The following LMO1 variants were observed in gnomAD, a reference collection of about 807,000 sequenced individuals.
The protein encoded by LMO1 is rhombotin-1.
LMO1 carries 10 observed loss-of-function variants against 18.0 expected under a neutral mutation model. The observed-to-expected ratio is 0.55, with a 90% CI of 0.34 to 0.94. The LOEUF (loss-of-function observed/expected upper bound fraction) is 0.94. Ranked by LOEUF, LMO1 falls within the 40% of genes least tolerant of loss-of-function variation. The probability of loss-of-function intolerance (pLI) is 0.02; values close to 1 mark genes in which losing one functional copy is unlikely to be tolerated. For synonymous variants in LMO1, 77 were observed against 77.9 expected, an observed-to-expected ratio of 0.99 and a Z score of 0.06; for missense variants, 183 against 205.7, an observed-to-expected ratio of 0.89 and a Z score of 0.68.
At chr11:8,248,487 C>A (rs1330292130) in intron 1 of LMO1, among the ~76,000 whole-genome samples, 1 of 152,222 alleles carries the variant, frequency 6.6e-6, no homozygotes, top group Non-Finnish European at 1.5e-5. Flanking sequence ...ACAGACCTCT[C>A]CCCTGAGGGA....
At chr11:8,266,161 G>A (rs1847258719), upstream of LMO1, among the ~76,000 whole-genome samples, 2 of 152,188 alleles carry the variant, frequency 1.3e-5, no homozygotes, top group African/African-American at 2.4e-5. Context: ...GGCTCTTTCT[G>A]CACCCCCAGC....
chr11:8,244,734 G>A (rs1003369476), intron 1 of LMO1, among the ~76,000 whole-genome samples: 19 of 152,210 alleles, frequency 1.2e-4, no homozygotes, highest in Admixed American at 4.6e-4. Flanking sequence ...TAAGGGCTGG[G>A]GGCACCAGCA....
chr11:8,259,311 G>T (rs1245350522), intron 1 of LMO1, among the ~76,000 whole-genome samples: 1 of 152,112 alleles, frequency 6.6e-6, no homozygotes, highest in East Asian at 1.9e-4. Context: ...CCAAGGCTCG[G>T]GTGTGTGTGT....
At chr11:8,256,678 A>C (rs527570758) in intron 1 of LMO1, among the ~76,000 whole-genome samples, 9 of 133,542 alleles carry the variant, frequency 6.7e-5, no homozygotes, top group African/African-American at 2.0e-4. Flanking sequence ...GGTTTGGTGG[A>C]TGTGTCTCTG....
chr11:8,244,026 G>A (rs923390821), intron 1 of LMO1, among the ~76,000 whole-genome samples: 1 of 152,224 alleles, frequency 6.6e-6, no homozygotes, highest in South Asian at 2.1e-4. Context: ...CCCCTGGCTA[G>A]CTCCCAACTT....
chr11:8,230,694 T>C (rs1952643207), intron 1 of LMO1, among the ~76,000 whole-genome samples, 190 bp from the exon 2 acceptor site: 1 of 152,170 alleles, frequency 6.6e-6, no homozygotes, highest in Admixed American at 6.5e-5. Flanking sequence ...TTGGGCTACA[T>C]GGCACAGCCT....
rs749116896 is a variant in LMO1, at chr11:8,230,426, T to C, written c.104A>G (p.Tyr35Cys). 3.1e-6 allele frequency: 5 copies of C among 1,614,106 alleles called. No individual in the cohort carries two copies. In the South Asian group the frequency reaches 3.3e-5, roughly 11 times the overall value. The change falls in exon 2 of 4, where the codon TAT (tyrosine) becomes TGT (cysteine). Residue 35 changes from tyrosine (Y) to cysteine (C), a missense_variant. Tyr to Cys is a radical substitution (Grantham distance 194). Coordinates refer to ENST00000335790, the MANE Select transcript of LMO1 (RefSeq NM_002315.3). ...AGCNRKIKDR[Y>C]LLKALDKYWH... ...GTACTTGTCCAATGCCTTCAGCAGATAGCGGTCCTTGATCTTGCGGTTACA... is the reference window on the plus strand; with the variant it reads ...GTACTTGTCCAATGCCTTCAGCAGACAGCGGTCCTTGATCTTGCGGTTACA...
intron 1 of LMO1, among the ~76,000 whole-genome samples, chr11:8,238,954 C>T (rs982623505): frequency 3.3e-5 from 5 of 152,232 alleles, no homozygotes; most frequent in African/African-American, 1.2e-4. Flanking sequence ...ATTTACTCAG[C>T]AGTCACTGTG....
chr11:8,267,831 G>C (rs533120722), upstream of LMO1, among the ~76,000 whole-genome samples: 1 of 152,332 alleles, frequency 6.6e-6, no homozygotes, highest in East Asian at 1.9e-4. Context: ...TGCCAGGCTG[G>C]GTGAACTGAT....
At chr11:8,267,227 G>T (rs773243655), upstream of LMO1, among the ~76,000 whole-genome samples, 6 of 152,220 alleles carry the variant, frequency 3.9e-5, no homozygotes, top group South Asian at 2.1e-4. Flanking sequence ...AAGGTTTTGG[G>T]TGTGCACTGA....
chr11:8,254,052 CA>C (rs1847048927), intron 1 of LMO1, among the ~76,000 whole-genome samples: 1 of 151,958 alleles, frequency 6.6e-6, no homozygotes, highest in Non-Finnish European at 1.5e-5. Context: ...AAAATAAGAG[CA>C]AACCAATAAG....
chr11:8,264,072 C>T (rs1242929943), upstream of LMO1, among the ~76,000 whole-genome samples: 3 of 151,896 alleles, frequency 2.0e-5, no homozygotes, highest in East Asian at 5.8e-4. Flanking sequence ...GAGGACGCAT[C>T]CCATCTGTCA....
At chr11:8,254,070 A>G (rs566683845) in intron 1 of LMO1, among the ~76,000 whole-genome samples, 3 of 152,232 alleles carry the variant, frequency 2.0e-5, no homozygotes, top group Non-Finnish European at 4.4e-5. Flanking sequence ...TAAGCTCAGA[A>G]CATAGCGGCG....
intron 1 of LMO1, among the ~76,000 whole-genome samples, chr11:8,258,354 C>T (rs1197855328): frequency 6.6e-6 from 1 of 152,174 alleles, no homozygotes; most frequent in African/African-American, 2.4e-5. Context: ...TGCTCTAGAC[C>T]CCAACGTGGC....
intron 1 of LMO1, among the ~76,000 whole-genome samples, chr11:8,235,403 C>A (rs1011400574): frequency 6.6e-6 from 1 of 152,188 alleles, no homozygotes; most frequent in Non-Finnish European, 1.5e-5. Context: ...CTCTATACCC[C>A]CTAATACTTT....
rs138335439 is a variant in LMO1, at chr11:8,239,893, A to G, written c.26-9389T>C. ...ATGTTCAACCAGATGACAGTAAACCATGTTACCCCTTACTGAGTGCCTGCT... is the reference window on the plus strand; with the variant it reads ...ATGTTCAACCAGATGACAGTAAACCGTGTTACCCCTTACTGAGTGCCTGCT... On this transcript the variant is annotated intron_variant, in intron 1 of 3. Transcript: ENST00000335790. Among the ~76,000 whole-genome samples, 1,016 of 152,256 alleles carry G rather than the reference A, an allele frequency of 6.7e-3. 5 individuals are homozygous for G. Among genetic ancestry groups the G allele is most frequent in the Non-Finnish European group, 0.011 (748 of 68,008 alleles).
chr11:8,227,202 T>C (rs942959542), intron 2 of LMO1, 102 bp from the exon 3 acceptor site: 4 of 1,518,648 alleles, frequency 2.6e-6, no homozygotes, highest in African/African-American at 1.4e-5. Context: ...ATACTCCAAC[T>C]TGTGGGCTCA....
intron 1 of LMO1, among the ~76,000 whole-genome samples, chr11:8,258,496 G>C (rs1416421796): frequency 6.6e-6 from 1 of 152,208 alleles, no homozygotes; most frequent in South Asian, 2.1e-4. Context: ...GCTGAACCTC[G>C]TGTTTCCTTT....
chr11:8,239,523 A>G (rs1285558717), intron 1 of LMO1, among the ~76,000 whole-genome samples: 2 of 152,156 alleles, frequency 1.3e-5, no homozygotes, highest in Non-Finnish European at 2.9e-5. Flanking sequence ...AGAAGGACAA[A>G]GAAGCCTTGA....
Sources: gnomAD v4.1 joint callset for allele counts (sites outside exome capture counted in the v4.1 genomes callset) on GRCh38, gnomAD v4.1.1 for gene constraint, MANE v1.5 for transcripts, NCBI Gene and HGNC (gene_info 2026-07-23, HGNC 2026-07-21) for gene names.